TGFBR3: variants seen among roughly 807,000 people sequenced by gnomAD.
TGFBR3 encodes transforming growth factor beta receptor type 3.
TGFBR3 carries 46 observed loss-of-function variants against 87.9 expected under a neutral mutation model. The observed-to-expected ratio is 0.52, with a 90% CI of 0.41 to 0.67. TGFBR3 has a LOEUF of 0.67. Among genes scored for constraint, TGFBR3 ranks in the 30% least tolerant of loss-of-function variants. The pLI is 0.00. For synonymous variants in TGFBR3, 381 were observed against 391.6 expected (o/e 0.97, Z 0.32); for missense variants, 866 against 1,041.9 (o/e 0.83, Z 2.32).
At chr1:91,778,544 T>C (rs185917632) in intron 3 of TGFBR3, among the ~76,000 whole-genome samples, 129 of 152,346 alleles carry the variant, frequency 8.5e-4, no homozygotes, top group African/African-American at 3.0e-3. Flanking sequence ...GCCCAAGCCA[T>C]ACATACCAAT....
At chr1:91,823,118 AG>A (rs959885122) in intron 2 of TGFBR3, among the ~76,000 whole-genome samples, 1 of 152,154 alleles carries the variant, frequency 6.6e-6, no homozygotes. Flanking sequence ...TCAATCATCA[AG>A]GTGTTAAGGG....
intron 10 of TGFBR3, 129 bp from the exon 11 acceptor site, chr1:91,716,837 TA>T: frequency 1.7e-6 from 2 of 1,154,918 alleles, no homozygotes; most frequent in South Asian, 2.5e-5. Context: ...GACAAAATAA[TA>T]AAATAACATC....
At chr1:91,762,909 A>C (rs905969675) in intron 3 of TGFBR3, among the ~76,000 whole-genome samples, 1 of 147,992 alleles carries the variant, frequency 6.8e-6, no homozygotes, top group Non-Finnish European at 1.5e-5. Context: ...AAGGAGCACA[A>C]AGCCTCTGAG....
intron 16 of TGFBR3, among the ~76,000 whole-genome samples, chr1:91,690,607 C>T (rs1440101420): frequency 1.3e-5 from 2 of 152,068 alleles, no homozygotes; most frequent in Non-Finnish European, 2.9e-5. Flanking sequence ...TCGGGAAAAG[C>T]GCCAGGATTA....
chr1:91,903,370 C>A (rs1301459338), intron 1 of TGFBR3, among the ~76,000 whole-genome samples: 1 of 91,138 alleles, frequency 1.1e-5, no homozygotes, highest in African/African-American at 3.4e-5. Context: ...AAAAAAATTG[C>A]CAGTCTGGAC....
Position 91,712,470 on chromosome 1 carries a change from G to A in TGFBR3, c.1939C>T (p.Pro647Ser). Residue 647 changes from proline to serine, a missense_variant, in exon 13 of 17, where the codon CCT (proline) becomes TCT (serine). Transcript: ENST00000212355. Reference protein sequence around the residue: ...QTCFISPYSNPDRMSHYTIIE... With the variant: ...QTCFISPYSNSDRMSHYTIIE... ...ATGGTGTAATGAGACATCCTATCAG[G>A]GTTCGAATATGGAGAGATAAAGCAC... 6.2e-7 allele frequency: 1 copy of A among 1,614,142 alleles called. No homozygotes were observed.
At chr1:91,853,772 T>C (rs959894584) in intron 2 of TGFBR3, among the ~76,000 whole-genome samples, 3 of 152,102 alleles carry the variant, frequency 2.0e-5, no homozygotes, top group Non-Finnish European at 4.4e-5. Flanking sequence ...CCAGAACTTT[T>C]GGAGGCCAAG....
intron 16 of TGFBR3, among the ~76,000 whole-genome samples, chr1:91,692,185 A>G (rs1671289995): frequency 6.6e-6 from 1 of 152,216 alleles, no homozygotes; most frequent in Non-Finnish European, 1.5e-5. Context: ...AAATGTCAGT[A>G]TATTTCTATT....
chr1:91,857,556 G>A (rs953883899), intron 2 of TGFBR3, among the ~76,000 whole-genome samples: 1 of 152,044 alleles, frequency 6.6e-6, no homozygotes, highest in African/African-American at 2.4e-5. Context: ...TGAGGTCTTT[G>A]GGTTTTACTT....
At position 91,683,513 on chromosome 1, in the gene TGFBR3, A is replaced by G; in HGVS notation, c.*226T>C. ...AAGACCACCATTTTAGCTTTCTCACATGAATTCTAGTGTGGTACAGAAGCC... is the reference window on the plus strand; with the variant it reads ...AAGACCACCATTTTAGCTTTCTCACGTGAATTCTAGTGTGGTACAGAAGCC... On this transcript the variant is annotated 3_prime_UTR_variant, in exon 17 of 17. Coordinates refer to ENST00000212355, the MANE Select transcript of TGFBR3 (RefSeq NM_003243.5). The G allele has an allele frequency of 1.4e-6, 1 of 690,880 alleles. No individual in the cohort carries two copies. Among genetic ancestry groups the G allele is most frequent in the Non-Finnish European group, 2.6e-6 (1 of 379,192 alleles). The allele number at this position is 690,880 out of a possible 1,614,324, so 42.8% of individuals were successfully genotyped here. A position where few individuals can be genotyped will look rare whatever the true frequency, so the allele number is the denominator to read the frequency against.
intron 2 of TGFBR3, among the ~76,000 whole-genome samples, chr1:91,823,519 G>A (rs1004648475): frequency 5.3e-5 from 8 of 152,300 alleles, no homozygotes; most frequent in East Asian, 1.9e-4. Flanking sequence ...TATCCATACC[G>A]CGGAAAACAT....
intron 1 of TGFBR3, among the ~76,000 whole-genome samples, chr1:91,867,351 C>G (rs1443940426): frequency 6.6e-6 from 1 of 152,202 alleles, no homozygotes; most frequent in Admixed American, 6.5e-5. Flanking sequence ...TCTGCCTGTT[C>G]TGTGCCGGCT....
chr1:91,749,577 G>A (rs1438620719), intron 4 of TGFBR3, among the ~76,000 whole-genome samples: 1 of 152,286 alleles, frequency 6.6e-6, no homozygotes, highest in Middle Eastern at 3.4e-3. Flanking sequence ...ATGTGGACTC[G>A]AGGTGCAAGA....
At chr1:91,751,387 C>G (rs961697847) in intron 4 of TGFBR3, among the ~76,000 whole-genome samples, 2 of 152,182 alleles carry the variant, frequency 1.3e-5, no homozygotes, top group African/African-American at 4.8e-5. Context: ...AAGGTAACAG[C>G]TGGACATGCA....
chr1:91,684,609 A>G (rs1289949447), intron 16 of TGFBR3, among the ~76,000 whole-genome samples: 1 of 152,170 alleles, frequency 6.6e-6, no homozygotes, highest in Admixed American at 6.5e-5. Flanking sequence ...TTTTAGCTAA[A>G]GCCATTCATC....
rs746615814 is a variant in TGFBR3, at chr1:91,698,116, T to C, written c.2302A>G (p.Met768Val). The C allele has an allele frequency of 3.1e-6, 5 of 1,614,056 alleles. No homozygotes were observed. The highest frequency in any genetic ancestry group is 2.2e-5 in the East Asian group (1 of 44,868). The change falls in exon 15 of 17, where the codon ATG (methionine) becomes GTG (valine). Residue 768 changes from methionine (M) to valine (V), a missense_variant. Met to Val is a conservative substitution (Grantham distance 21, BLOSUM62 1). Transcript: ENST00000212355. ...GGAGAAATTGGATTTGGTTCCTTCA[T>C]GCTTGGACCTTTTTCTGAAACAAAA... is the stretch of plus-strand genomic sequence containing the variant. ...EAESKEKGPS[M>V]KEPNPISPPI... is the part of the protein sequence containing the mutation.
chr1:91,789,020 G>A (rs1215828636), intron 3 of TGFBR3, among the ~76,000 whole-genome samples: 2 of 152,160 alleles, frequency 1.3e-5, no homozygotes, highest in Non-Finnish European at 1.5e-5. Context: ...GGGGTCAGCT[G>A]GGCACGGTGG....
intron 16 of TGFBR3, among the ~76,000 whole-genome samples, chr1:91,694,539 G>T (rs1036005965): frequency 6.6e-6 from 1 of 152,228 alleles, no homozygotes; most frequent in African/African-American, 2.4e-5. Context: ...GGATCACTGT[G>T]TCATGCTTTT....
chr1:91,833,460 CAAAAAAAAAA>C lies in TGFBR3; in HGVS notation c.61+28001_61+28010del, dbSNP rs33936360. ...TGGGCGACAGAGCAAAGCTCTGTCT[CAAAAAAAAAA>C]AAAAAAAAAAAAAAAGGCCAGGCAC... On this transcript the variant is annotated intron_variant, in intron 2 of 16. Coordinates refer to ENST00000212355, the MANE Select transcript of TGFBR3 (RefSeq NM_003243.5). Among the ~76,000 whole-genome samples the C allele has an allele frequency of 3.0e-4, 11 of 37,150 alleles. No homozygotes were observed. The East Asian group carries it at 6.5e-3, about 22-fold the overall frequency. 24.4% of individuals were successfully genotyped at this position (37,150 alleles called of 152,430 possible).
Sources: allele counts gnomAD v4.1 joint callset (sites outside exome capture counted in the v4.1 genomes callset), GRCh38; gene constraint gnomAD v4.1.1; transcripts MANE v1.5; gene names NCBI Gene and HGNC (gene_info 2026-07-23, HGNC 2026-07-21).